The following PDE1A variants were observed in gnomAD, a reference collection of about 807,000 sequenced individuals.
PDE1A encodes the protein phosphodiesterase 1A, also known as dual specificity calcium/calmodulin-dependent 3',5'-cyclic nucleotide phosphodiesterase 1A.
PDE1A carries 35 observed loss-of-function variants against 61.7 expected under a neutral mutation model. That is an observed-to-expected ratio of 0.57 (90% CI 0.43 to 0.75). The LOEUF is 0.75. Among genes scored for constraint, PDE1A ranks in the 30% least tolerant of loss-of-function variants. PDE1A has a pLI of 0.00. For synonymous variants in PDE1A, 232 were observed against 213.2 expected, an observed-to-expected ratio of 1.09 and a Z score of -0.77; for missense variants, 597 against 630.6, an observed-to-expected ratio of 0.95 and a Z score of 0.57.
chr2:182,565,344 A>C, the PDE1A span, among the ~76,000 whole-genome samples: 8,184 of 152,296 alleles, frequency 0.054, 271 homozygotes, highest in Middle Eastern at 0.099. Flanking sequence ...CCTGGGTACC[A>C]GCAGCGGTGG....
intron 1 of PDE1A, among the ~76,000 whole-genome samples, chr2:182,356,124 T>G (rs1303428699): frequency 6.6e-6 from 1 of 152,136 alleles, no homozygotes; most frequent in Non-Finnish European, 1.5e-5. Flanking sequence ...GAAAAGATGT[T>G]TTGCAATGTT....
chr2:182,480,449 C>T (rs181065709), intron 2 of PDE1A, among the ~76,000 whole-genome samples: 1 of 151,926 alleles, frequency 6.6e-6, no homozygotes, highest in Non-Finnish European at 1.5e-5. Flanking sequence ...ACCAGAAATA[C>T]AGTCGGCCTA....
At chr2:182,346,431 G>A (rs1164219409) in intron 1 of PDE1A, among the ~76,000 whole-genome samples, 1 of 152,130 alleles carries the variant, frequency 6.6e-6, no homozygotes, top group Non-Finnish European at 1.5e-5. Flanking sequence ...AGGGTAAGTT[G>A]GAGGTAAAAT....
chr2:182,200,750 GC>G (rs1686552916), intron 10 of PDE1A, among the ~76,000 whole-genome samples: 2 of 152,216 alleles, frequency 1.3e-5, no homozygotes, highest in South Asian at 4.1e-4. Flanking sequence ...GTGTCCCACA[GC>G]CCCATTTGCA....
chr2:182,316,366 A>T (rs1455711640), intron 1 of PDE1A, among the ~76,000 whole-genome samples: 1 of 152,206 alleles, frequency 6.6e-6, no homozygotes, highest in Non-Finnish European at 1.5e-5. Context: ...GTAAATGTTA[A>T]TTAAGCAAAC....
At chr2:182,437,600 G>C (rs2125662260) in intron 2 of PDE1A, among the ~76,000 whole-genome samples, 1 of 151,900 alleles carries the variant, frequency 6.6e-6, no homozygotes, top group East Asian at 1.9e-4. Flanking sequence ...TGACAATATG[G>C]GATAATATTA....
At chr2:182,385,453 T>C (rs138804787) in intron 1 of PDE1A, among the ~76,000 whole-genome samples, 3,186 of 152,028 alleles carry the variant, frequency 0.021, 113 homozygotes, top group African/African-American at 0.073. Context: ...ATTTTGTGGG[T>C]TTTTTTAAAA....
the PDE1A span, among the ~76,000 whole-genome samples, chr2:182,538,114 T>G: frequency 0.71 from 107,397 of 152,080 alleles, 41,220 homozygotes; most frequent in East Asian, 0.99. Context: ...TGAGACTACT[T>G]TTCCCTCTGC....
At chr2:182,440,036 T>C (rs1379685106) in intron 2 of PDE1A, among the ~76,000 whole-genome samples, 1 of 152,058 alleles carries the variant, frequency 6.6e-6, no homozygotes, top group Middle Eastern at 3.2e-3. Context: ...ATAATCTTTT[T>C]TGGTTATGGT....
the PDE1A span, among the ~76,000 whole-genome samples, chr2:182,603,064 C>CA: frequency 6.6e-6 from 1 of 151,570 alleles, no homozygotes; most frequent in East Asian, 1.9e-4. Context: ...AGCTGATATA[C>CA]ACTCTCTCTA....
At chr2:182,615,856 G>A in the PDE1A span, among the ~76,000 whole-genome samples, 5 of 152,102 alleles carry the variant, frequency 3.3e-5, no homozygotes, top group Non-Finnish European at 7.4e-5. Context: ...CCACTCCCAC[G>A]TTAATCAACC....
the PDE1A span, among the ~76,000 whole-genome samples, chr2:182,705,497 G>T: frequency 6.6e-6 from 1 of 151,940 alleles, no homozygotes; most frequent in East Asian, 1.9e-4. Context: ...CTTCATGAGG[G>T]CTAAGTCTTT....
At chr2:182,224,961 T>C (rs1163108994) in intron 6 of PDE1A, among the ~76,000 whole-genome samples, 1 of 151,794 alleles carries the variant, frequency 6.6e-6, no homozygotes, top group Non-Finnish European at 1.5e-5. Context: ...TCACTCTGAG[T>C]GGTCTTATTC....
chr2:182,686,479 TG>T, the PDE1A span, among the ~76,000 whole-genome samples: 2 of 152,244 alleles, frequency 1.3e-5, no homozygotes, highest in African/African-American at 4.8e-5. Context: ...GTGGCCATTT[TG>T]CATCCATTTT....
the PDE1A span, among the ~76,000 whole-genome samples, chr2:182,558,901 T>A: frequency 6.6e-6 from 1 of 152,174 alleles, no homozygotes; most frequent in African/African-American, 2.4e-5. Flanking sequence ...ATTTATTCAA[T>A]CTCAGTGACT....
At chr2:182,235,999 T>C (rs1266750587) in intron 3 of PDE1A, among the ~76,000 whole-genome samples, 1 of 152,228 alleles carries the variant, frequency 6.6e-6, no homozygotes, top group East Asian at 1.9e-4. Context: ...CTTGACTAGT[T>C]GGAAGTTCAG....
intron 2 of PDE1A, among the ~76,000 whole-genome samples, chr2:182,447,135 A>T (rs1204707825): frequency 6.6e-6 from 1 of 151,564 alleles, no homozygotes. Context: ...ACACACACAC[A>T]CACACAAACA....
At chr2:182,293,433 C>T (rs1328178239) in intron 1 of PDE1A, among the ~76,000 whole-genome samples, 1 of 151,978 alleles carries the variant, frequency 6.6e-6, no homozygotes, top group Non-Finnish European at 1.5e-5. Flanking sequence ...TATTAATGAT[C>T]TATATTTTTT....
chr2:182,433,268 C>T (rs1437065649), intron 2 of PDE1A, among the ~76,000 whole-genome samples: 1 of 152,124 alleles, frequency 6.6e-6, no homozygotes, highest in Non-Finnish European at 1.5e-5. Context: ...ATTCACTCTG[C>T]TTTAGCTTTT....
Sources: allele counts gnomAD v4.1 joint callset (sites outside exome capture counted in the v4.1 genomes callset), GRCh38; gene constraint gnomAD v4.1.1; transcripts MANE v1.5; gene names NCBI Gene and HGNC (gene_info 2026-07-23, HGNC 2026-07-21).